The following COQ9 variants were observed in gnomAD, a reference collection of about 807,000 sequenced individuals.
The protein encoded by COQ9 is ubiquinone biosynthesis protein COQ9, mitochondrial.
Under a neutral mutation model 42.4 loss-of-function variants are expected in COQ9, and 35 were observed. The observed-to-expected ratio is 0.83, with a 90% CI of 0.63 to 1.10. The LOEUF is 1.10. Among genes scored for constraint, COQ9 ranks in the 50% least tolerant of loss-of-function variants. COQ9 has a pLI of 0.00. For synonymous variants in COQ9, 155 were observed against 155.1 expected, an observed-to-expected ratio of 1.00 and a Z score of 0.00; for missense variants, 406 against 414.6, an observed-to-expected ratio of 0.98 and a Z score of 0.18.
At chr16:57,451,441 G>A (rs2030287113) in intron 2 of COQ9, among the ~76,000 whole-genome samples, 2 of 152,112 alleles carry the variant, frequency 1.3e-5, no homozygotes, top group East Asian at 1.9e-4. Context: ...CAAAGTGTTG[G>A]GATTACAGGT....
intron 3 of COQ9, chr16:57,456,262 T>C (rs1297873622): frequency 5.7e-6 from 3 of 521,950 alleles, no homozygotes; most frequent in African/African-American, 1.9e-5. Context: ...CCTGTTGATA[T>C]GTTCATCCCT....
chr16:57,450,768 G>T, intron 1 of COQ9: 1 of 522,638 alleles, frequency 1.9e-6, no homozygotes, highest in East Asian at 3.5e-5. Flanking sequence ...TGCACATTGG[G>T]GTGAAATTGT....
chr16:57,453,065 G>T (rs1396182882), intron 3 of COQ9, 129 bp downstream of exon 3: 52 of 1,253,286 alleles, frequency 4.1e-5, no homozygotes, highest in East Asian at 1.7e-4. Flanking sequence ...AGATTGACTG[G>T]TTTTTTTCCC....
chr16:57,450,079 C>T (rs1448956403), intron 1 of COQ9, among the ~76,000 whole-genome samples: 2 of 152,122 alleles, frequency 1.3e-5, no homozygotes, highest in Admixed American at 6.5e-5. Flanking sequence ...GGCAGATATA[C>T]AGGTGTTCAT....
intron 3 of COQ9, chr16:57,453,726 G>T (rs2030341109): frequency 1.3e-5 from 2 of 152,438 alleles, no homozygotes; most frequent in Admixed American, 6.5e-5. Flanking sequence ...TGACTCCACT[G>T]TAGGCTCATT....
At chr16:57,455,520 A>G (rs2030383038) in intron 3 of COQ9, among the ~76,000 whole-genome samples, 1 of 151,888 alleles carries the variant, frequency 6.6e-6, no homozygotes, top group Non-Finnish European at 1.5e-5. Flanking sequence ...AGGGGAGAGT[A>G]GAATAGGATG....
chr16:57,452,982 A>T, intron 3 of COQ9, 46 bp downstream of exon 3: 1 of 1,611,924 alleles, frequency 6.2e-7, no homozygotes, highest in Non-Finnish European at 8.5e-7. Flanking sequence ...ATGAGCCAGG[A>T]TGGAGTCACA....
rs578214371 is a variant in COQ9 at position 57,447,576 on chromosome 16, C to A, written c.71C>A (p.Pro24His). ...AGGCTCCTGCAGCTGCGATGCCTGC[C>A]CGGTGAGGGGGCTGCCAAGCCGGGG... Reference protein sequence around the residue: ...GWRLLQLRCLPVARCRQALVP... With the variant: ...GWRLLQLRCLHVARCRQALVP... Residue 24 changes from proline (P) to histidine (H), a missense_variant and splice_region_variant, in exon 1 of 9, where the codon CCC (proline) becomes CAC (histidine). Coordinates refer to ENST00000262507, the MANE Select transcript of COQ9 (RefSeq NM_020312.4). 40 of 1,275,560 alleles carry A rather than the reference C, an allele frequency of 3.1e-5. No homozygotes were observed. The African/African-American group carries it at 5.7e-4, about 18-fold the overall frequency. 79.0% of individuals were successfully genotyped at this position (1,275,560 alleles called of 1,614,324 possible).
At chr16:57,453,261 A>G in intron 3 of COQ9, 1 of 416,992 alleles carries the variant, frequency 2.4e-6, no homozygotes, top group East Asian at 5.2e-5. Context: ...ATCAGTAAAA[A>G]AGAAAACATA....
chr16:57,459,834 C>A, intron 7 of COQ9, 114 bp downstream of exon 7: 2 of 1,279,660 alleles, frequency 1.6e-6, no homozygotes, highest in Non-Finnish European at 2.3e-6. Context: ...AGGGCCTTCC[C>A]AAGGGCCTGG....
Position 57,459,725 on chromosome 16 carries a change from G to T in COQ9, c.867+5G>T, listed in dbSNP as rs757749067. ...ATGGGCCACACTGCCAAGCAGGTAGGTGGGGACTAGCCATTGGGGAACCCT... is the reference window on the plus strand; with the variant it reads ...ATGGGCCACACTGCCAAGCAGGTAGTTGGGGACTAGCCATTGGGGAACCCT... On this transcript the variant is annotated splice_donor_5th_base_variant and intron_variant, in intron 7 of 8. Coordinates refer to ENST00000262507, the MANE Select transcript of COQ9 (RefSeq NM_020312.4). The T allele has an allele frequency of 1.9e-6, 3 of 1,614,024 alleles. No individual in the cohort carries two copies. Among genetic ancestry groups the T allele is most frequent in the African/African-American group, 2.7e-5 (2 of 75,034 alleles).
intron 2 of COQ9, 47 bp from the exon 3 acceptor site, chr16:57,452,754 T>C: frequency 6.2e-7 from 1 of 1,611,596 alleles, no homozygotes; most frequent in Non-Finnish European, 8.5e-7. Context: ...ATGCCCATTG[T>C]ACATGCCAGG....
rs1162602066 is a variant in COQ9 at position 57,460,214 on chromosome 16, C to G, written c.921+110C>G. 3 of 1,123,236 alleles carry G rather than the reference C, an allele frequency of 2.7e-6. No homozygotes were observed. The African/African-American group carries it at 4.6e-5, about 17-fold the overall frequency. 69.6% of individuals were successfully genotyped at this position (1,123,236 alleles called of 1,614,324 possible). ...GTAGCCCTAACCTGGAAACAATAAT[C>G]TAATAATAAGGCTGACAATGGTTCA... On this transcript the variant is annotated intron_variant, in intron 8 of 8. Coordinates refer to ENST00000262507, the MANE Select transcript of COQ9 (RefSeq NM_020312.4).
At position 57,460,760 on chromosome 16, in the gene COQ9, A is replaced by G; in HGVS notation, c.*136A>G. 1 of 801,754 alleles carries G rather than the reference A, an allele frequency of 1.2e-6. No individual in the cohort carries two copies. The highest frequency in any genetic ancestry group is 2.1e-5 in the Admixed American group (1 of 47,972). The allele number at this position is 801,754 out of a possible 1,614,324, so 49.7% of individuals were successfully genotyped here. On this transcript the variant is annotated 3_prime_UTR_variant, in exon 9 of 9. Coordinates refer to ENST00000262507, the MANE Select transcript of COQ9 (RefSeq NM_020312.4). ...TAAAGGACTCCTGAGTCACTACCAC[A>G]GCCACCTGGAAACCACAAGGCATTT...
At position 57,447,541 on chromosome 16, in the gene COQ9, G is replaced by C; in HGVS notation, c.36G>C (p.Arg12=). Reference sequence around the variant, plus strand: ...CGGCGGTATCTGGTGCGCTTGGCCGGGCGGGCTGGAGGCTCCTGCAGCTGC... The same window carrying C: ...CGGCGGTATCTGGTGCGCTTGGCCGCGCGGGCTGGAGGCTCCTGCAGCTGC... ...AAAAVSGALG[R]AGWRLLQLRC... The change falls in exon 1 of 9, where the codon CGG becomes CGC. Residue 12 remains arginine, a synonymous_variant. Transcript: ENST00000262507. The C allele has an allele frequency of 7.6e-7, 1 of 1,310,656 alleles. No individual in the cohort carries two copies. The highest frequency in any genetic ancestry group is 9.8e-7 in the Non-Finnish European group (1 of 1,024,092). 81.2% of individuals were successfully genotyped at this position (1,310,656 alleles called of 1,614,324 possible).
chr16:57,449,642 T>C (rs1436503459), intron 1 of COQ9, among the ~76,000 whole-genome samples: 2 of 151,940 alleles, frequency 1.3e-5, no homozygotes, highest in East Asian at 1.9e-4. Context: ...TAAATAAATA[T>C]ATATATATAC....
chr16:57,458,247 C>T lies in COQ9; in HGVS notation c.608C>T (p.Ala203Val), dbSNP rs758393335. 2 of 1,606,608 alleles carry T rather than the reference C, an allele frequency of 1.2e-6. No individual in the cohort carries two copies. The highest frequency in any genetic ancestry group is 1.7e-6 in the Non-Finnish European group (2 of 1,176,230). Residue 203 changes from alanine (A) to valine (V), a missense_variant and splice_region_variant, in exon 6 of 9, where the codon GCC (alanine) becomes GTC (valine). Ala to Val is a moderately conservative substitution (Grantham distance 64). Transcript: ENST00000262507. ...ACTCCTCTGCCATTCTCTCTCCAGG[C>T]CCTCAGCATCCTCATGCTCCCTCAC... ...LIPYIEHWPR[A>V]LSILMLPHNI...
At chr16:57,457,891 A>G (rs1051007319) in intron 5 of COQ9, among the ~76,000 whole-genome samples, 8 of 152,194 alleles carry the variant, frequency 5.3e-5, no homozygotes, top group African/African-American at 1.7e-4. Context: ...GTAGGAGCTG[A>G]TGTGTGTGAA....
chr16:57,449,919 G>C (rs1356563320), intron 1 of COQ9, among the ~76,000 whole-genome samples: 1 of 152,176 alleles, frequency 6.6e-6, no homozygotes, highest in African/African-American at 2.4e-5. Flanking sequence ...GCATTTCATT[G>C]TGTGTAAATG....
Sources: gnomAD v4.1 joint callset for allele counts (sites outside exome capture counted in the v4.1 genomes callset) on GRCh38, gnomAD v4.1.1 for gene constraint, MANE v1.5 for transcripts, NCBI Gene and HGNC (gene_info 2026-07-23, HGNC 2026-07-21) for gene names.